Variants in UGT1A4 observed in about 807,000 individuals in gnomAD.
The protein encoded by UGT1A4 is UDP glucuronosyltransferase family 1 member A4.
In UGT1A4, 32 loss-of-function variants were observed where a neutral mutation model predicts 41.1. That is an observed-to-expected ratio of 0.78 (90% CI 0.59 to 1.05). UGT1A4 has a LOEUF of 1.05. UGT1A4 is among the 50% of genes least tolerant of loss of function. UGT1A4 has a pLI of 0.00. For synonymous variants in UGT1A4, 283 were observed against 265.1 expected, an observed-to-expected ratio of 1.07 and a Z score of -0.66; for missense variants, 748 against 677.4, an observed-to-expected ratio of 1.10 and a Z score of -1.16.
chr2:233,720,776 G>A (rs569960725), intron 1 of UGT1A4, among the ~76,000 whole-genome samples: 7 of 148,022 alleles, frequency 4.7e-5, no homozygotes, highest in Admixed American at 2.0e-4. Flanking sequence ...CCGGATCTCC[G>A]CTCACTGCAA....
chr2:233,751,085 CAGG>C (rs1331758725), intron 1 of UGT1A4, among the ~76,000 whole-genome samples: 1 of 151,924 alleles, frequency 6.6e-6, no homozygotes, highest in Non-Finnish European at 1.5e-5. Context: ...TGAAGGCAGC[CAGG>C]AGGAGGGCTT....
At chr2:233,771,437 T>C (rs981684428) in intron 4 of UGT1A4, 1 of 152,226 alleles carries the variant, frequency 6.6e-6, no homozygotes, top group Non-Finnish European at 1.5e-5. Context: ...CATTTTGCAC[T>C]AAGTGGCTGC....
At chr2:233,756,818 C>T (rs1022493170) in intron 1 of UGT1A4, among the ~76,000 whole-genome samples, 38 of 151,930 alleles carry the variant, frequency 2.5e-4, no homozygotes, top group Admixed American at 5.2e-4. Flanking sequence ...CACTCAATTC[C>T]AAGGGGAAAA....
chr2:233,767,100 GTC>G lies in UGT1A4; in HGVS notation c.937_938del (p.Ser313ArgfsTer12). 6.2e-7 allele frequency: 1 copy of G among 1,614,092 alleles called. No homozygotes were observed. The highest frequency in any genetic ancestry group is 8.5e-7 in the Non-Finnish European group (1 of 1,180,010). The stretch of plus-strand genomic sequence containing the variant: ...TGTGGTTTTCTCTTTGGGATCAATG[GTC>G]TCAGAAATTCCAGAGAAGAAAGCTA... ...GIVVFSLGSMVSEIPEKKAMA... is the reference protein window; with the variant it reads ...GIVVFSLGSMXSEIPEKKAMA... On this transcript the variant is annotated frameshift_variant, in exon 2 of 5. Transcript: ENST00000373409. LOFTEE classifies it high-confidence loss of function.
At chr2:233,767,976 C>G in intron 3 of UGT1A4, 40 bp downstream of exon 3, 1 of 1,614,042 alleles carries the variant, frequency 6.2e-7, no homozygotes. Context: ...AAACCAGGGT[C>G]AAATTAAGAA....
intron 1 of UGT1A4, chr2:233,747,398 C>T: frequency 1.9e-6 from 3 of 1,606,764 alleles, no homozygotes; most frequent in Non-Finnish European, 2.6e-6. Flanking sequence ...TGGTCCTCAC[C>T]CCAGAGGTGA....
intron 1 of UGT1A4, among the ~76,000 whole-genome samples, chr2:233,757,218 C>G (rs1037156819): frequency 2.0e-5 from 3 of 149,068 alleles, no homozygotes; most frequent in African/African-American, 7.5e-5. Context: ...AAGCTGCTGA[C>G]CAAGGTTCCA....
intron 1 of UGT1A4, among the ~76,000 whole-genome samples, chr2:233,727,564 G>A (rs1303726979): frequency 6.6e-6 from 1 of 152,214 alleles, no homozygotes; most frequent in Non-Finnish European, 1.5e-5. Flanking sequence ...CTCATCATGA[G>A]GGTGCTTAGG....
chr2:233,761,042 C>A, intron 1 of UGT1A4: 1 of 1,614,180 alleles, frequency 6.2e-7, no homozygotes, highest in Non-Finnish European at 8.5e-7. Context: ...AGCTCTGCAT[C>A]TGTCTGGCTG....
At chr2:233,742,895 G>A (rs1191973216) in intron 1 of UGT1A4, 1 of 164,996 alleles carries the variant, frequency 6.1e-6, no homozygotes, top group African/African-American at 2.4e-5. Flanking sequence ...TTTCCCAACG[G>A]AAAAAGGTAA....
intron 1 of UGT1A4, among the ~76,000 whole-genome samples, chr2:233,759,591 C>A (rs984696431): frequency 4.1e-5 from 6 of 147,100 alleles, no homozygotes; most frequent in East Asian, 4.1e-4. Context: ...GCACGCCCCC[C>A]ACCCCCGACC....
intron 1 of UGT1A4, chr2:233,760,195 C>T (rs2125980169): frequency 6.4e-7 from 1 of 1,574,430 alleles, no homozygotes; most frequent in Admixed American, 1.7e-5. Context: ...TCACGTGACA[C>T]AGTCAAACAT....
At chr2:233,761,211 C>A in intron 1 of UGT1A4, 2 of 1,613,736 alleles carry the variant, frequency 1.2e-6, no homozygotes, top group South Asian at 1.1e-5. Flanking sequence ...TACTTTGGAT[C>A]GATTAACTAG....
chr2:233,722,032 C>A, intron 1 of UGT1A4: 1 of 244,322 alleles, frequency 4.1e-6, no homozygotes, highest in Non-Finnish European at 8.2e-6. Flanking sequence ...TCTTGAATTG[C>A]ATGATTTTGT....
At chr2:233,771,047 T>C (rs1700228624) in intron 4 of UGT1A4, 1 of 152,132 alleles carries the variant, frequency 6.6e-6, no homozygotes, top group South Asian at 2.1e-4. Flanking sequence ...TGCCACACAC[T>C]TTTTAATGAC....
chr2:233,754,897 C>T (rs779851030), intron 1 of UGT1A4: 5 of 1,351,174 alleles, frequency 3.7e-6, no homozygotes, highest in Non-Finnish European at 5.0e-6. Context: ...TTCCTCTGAC[C>T]CCCCAAAATA....
chr2:233,729,658 T>C (rs375249430), intron 1 of UGT1A4: 278 of 1,613,792 alleles, frequency 1.7e-4, no homozygotes, highest in Non-Finnish European at 2.3e-4. Flanking sequence ...GAACATTCCA[T>C]GTGATTTAGA....
chr2:233,747,258 A>T, intron 1 of UGT1A4: 1 of 1,600,094 alleles, frequency 6.2e-7, no homozygotes, highest in Non-Finnish European at 8.5e-7. Context: ...TGGCCACAGG[A>T]GTGCTACTCC....
chr2:233,755,791 C>T (rs1696023449), intron 1 of UGT1A4: 1 of 152,494 alleles, frequency 6.6e-6, no homozygotes, highest in Admixed American at 6.5e-5. Flanking sequence ...ATCATATGTA[C>T]TGCATTAGAG....
Sources: gnomAD v4.1 joint callset for allele counts (sites outside exome capture counted in the v4.1 genomes callset) on GRCh38, gnomAD v4.1.1 for gene constraint, MANE v1.5 for transcripts, NCBI Gene and HGNC (gene_info 2026-07-23, HGNC 2026-07-21) for gene names.